The following ID4 variants were observed in gnomAD, a reference collection of about 807,000 sequenced individuals.
ID4 encodes the protein DNA-binding protein inhibitor ID-4.
A neutral mutation model predicts 8.6 loss-of-function variants in ID4; 9 were observed. The observed-to-expected ratio is 1.04, with a 90% CI of 0.63 to 1.82. The LOEUF (loss-of-function observed/expected upper bound fraction) is 1.82, where lower values mean the gene tolerates loss of function less well. Ranked by LOEUF, ID4 falls within the 40% of genes most tolerant of loss-of-function variation. ID4 has a pLI of 0.00. For synonymous variants in ID4, 180 were observed against 118.0 expected (o/e 1.53, Z -3.41); for missense variants, 270 against 235.1 (o/e 1.15, Z -0.97).
intron 2 of ID4, chr6:19,838,959 C>T (rs923097719): frequency 4.8e-5 from 19 of 394,072 alleles, no homozygotes; most frequent in Non-Finnish European, 6.5e-5. Context: ...GGAGCTGCCC[C>T]GGTGTCCTCC....
At chr6:19,838,734 C>G (rs1472013200) in intron 2 of ID4, 92 bp downstream of exon 2, 4 of 1,140,050 alleles carry the variant, frequency 3.5e-6, no homozygotes, top group South Asian at 2.8e-5. Flanking sequence ...GTTCTTTGCC[C>G]CCAGCGTTTC....
rs1297305500 is a variant in ID4 at position 19,840,738 on chromosome 6, GCT to G, written c.*1546_*1547del. 3.3e-5 allele frequency: 5 copies of G among 151,886 alleles called. No homozygotes were observed. Among genetic ancestry groups the G allele is most frequent in the Admixed American group, 2.0e-4 (3 of 15,254 alleles). The allele number at this position is 151,886 out of a possible 1,614,324, so 9.4% of individuals were successfully genotyped here. On this transcript the variant is annotated 3_prime_UTR_variant, in exon 3 of 3. Coordinates refer to ENST00000378700, the MANE Select transcript of ID4 (RefSeq NM_001546.4). Reference sequence around the variant, plus strand: ...ACCTTACTCTTATTTTTCTTTTAAGGCTCTTTTTTCTCCTTAAGGAAGGTAAT... The same window carrying G: ...ACCTTACTCTTATTTTTCTTTTAAGGCTTTTTTCTCCTTAAGGAAGGTAAT...
rs1354675523 is a variant in ID4, at chr6:19,837,682, C to G, written c.-73C>G. The G allele has an allele frequency of 2.9e-6, 3 of 1,020,324 alleles. No homozygotes were observed. The East Asian group carries it at 1.9e-4, about 64-fold the overall frequency. The allele number at this position is 1,020,324 out of a possible 1,614,324, so 63.2% of individuals were successfully genotyped here. On this transcript the variant is annotated 5_prime_UTR_variant, in exon 1 of 3. Coordinates refer to ENST00000378700, the MANE Select transcript of ID4 (RefSeq NM_001546.4). The stretch of plus-strand genomic sequence containing the variant: ...CAAAGGGAGCGGAGCCGGCCGCGGA[C>G]GGGGCCCGGAGCTTGCCTGCCTCCC...
At position 19,841,943 on chromosome 6, in the gene ID4, GAAA is replaced by G. The variant is rs909183740; in HGVS notation, c.*2753_*2755del. On this transcript the variant is annotated 3_prime_UTR_variant, in exon 3 of 3. Coordinates refer to ENST00000378700, the MANE Select transcript of ID4 (RefSeq NM_001546.4). ...TCAGACTGGTTTAAAACTCCAGAAG[GAAA>G]AAAAGTATCCCACACAGTGGATGTT... 6.6e-6 allele frequency among the ~76,000 whole-genome samples: 1 copy of G among 151,924 alleles called. No individual in the cohort carries two copies. The highest frequency in any genetic ancestry group is 1.5e-5 in the Non-Finnish European group (1 of 67,936).
chr6:19,837,395 T>G lies in ID4; in HGVS notation c.-360T>G. ...GAGAGCGTAGTGGAGGAGGCGCGGT[T>G]GTGAGTAGTACCGGGAGTGGGGTGA... On this transcript the variant is annotated 5_prime_UTR_variant, in exon 1 of 3. Coordinates refer to ENST00000378700, the MANE Select transcript of ID4 (RefSeq NM_001546.4). The G allele has an allele frequency of 6.5e-6, 1 of 153,002 alleles. No homozygotes were observed. Among genetic ancestry groups the G allele is most frequent in the Non-Finnish European group, 1.5e-5 (1 of 68,964 alleles). 9.5% of individuals were successfully genotyped at this position (153,002 alleles called of 1,614,324 possible).
At position 19,838,196 on chromosome 6, in the gene ID4, G is replaced by C; in HGVS notation, c.441+1G>C. The stretch of plus-strand genomic sequence containing the variant: ...GCTCACTGCGCTCAACACCGACCCG[G>C]TGAGAGGCCGGGCGCCGGCCGTGGG... On this transcript the variant is annotated splice_donor_variant, in intron 1 of 2. Coordinates refer to ENST00000378700, the MANE Select transcript of ID4 (RefSeq NM_001546.4). LOFTEE classifies it high-confidence loss of function. 1 of 1,371,212 alleles carries C rather than the reference G, an allele frequency of 7.3e-7. No homozygotes were observed. Among genetic ancestry groups the C allele is most frequent in the Non-Finnish European group, 9.4e-7 (1 of 1,067,242 alleles). 84.9% of individuals were successfully genotyped at this position (1,371,212 alleles called of 1,614,324 possible).
chr6:19,838,009 C>G lies in ID4; in HGVS notation c.255C>G (p.Asn85Lys), dbSNP rs1180362603. The G allele has an allele frequency of 6.2e-7, 1 of 1,604,384 alleles. No individual in the cohort carries two copies. The highest frequency in any genetic ancestry group is 8.5e-7 in the Non-Finnish European group (1 of 1,175,270). ...GGCTGGTGCCCACCATCCCGCCCAA[C>G]AAGAAAGTCAGCAAAGTGGAGATCC... ...LRRLVPTIPP[N>K]KKVSKVEILQ... Residue 85 changes from asparagine to lysine, a missense_variant, in exon 1 of 3, where the codon AAC (asparagine) becomes AAG (lysine). Asn to Lys is a moderately conservative substitution (Grantham distance 94). Coordinates refer to ENST00000378700, the MANE Select transcript of ID4 (RefSeq NM_001546.4).
At chr6:19,838,404 T>C (rs1254171309) in intron 1 of ID4, among the ~76,000 whole-genome samples, 180 bp from the exon 2 acceptor site, 2 of 152,076 alleles carry the variant, frequency 1.3e-5, no homozygotes, top group Admixed American at 1.3e-4. Context: ...AGGGCGGGAC[T>C]CGGGGCTGTG....
In ID4 at chr6:19,839,645, AGAT is replaced by A. The variant is rs1294379081; in HGVS notation, c.*454_*456del. On this transcript the variant is annotated 3_prime_UTR_variant, in exon 3 of 3. Coordinates refer to ENST00000378700, the MANE Select transcript of ID4 (RefSeq NM_001546.4). ...TTTTTTTACATCTATTGTTTAAAATAGATGATTATAACGGGGCAGAGAACTTTC... is the reference window on the plus strand; with the variant it reads ...TTTTTTTACATCTATTGTTTAAAATAGATTATAACGGGGCAGAGAACTTTC... 2 of 152,542 alleles carry A rather than the reference AGAT, an allele frequency of 1.3e-5. No individual in the cohort carries two copies. Among genetic ancestry groups the A allele is most frequent in the Non-Finnish European group, 2.9e-5 (2 of 68,042 alleles). 9.4% of individuals were successfully genotyped at this position (152,542 alleles called of 1,614,324 possible).
chr6:19,838,544 G>C (rs202194675), intron 1 of ID4, 40 bp from the exon 2 acceptor site: 1 of 1,613,770 alleles, frequency 6.2e-7, no homozygotes, highest in Non-Finnish European at 8.5e-7. Context: ...CGTTGTTTGC[G>C]CCTGCTAACC....
In ID4 at chr6:19,840,448, GAATT is replaced by G. The variant is rs1761336909; in HGVS notation, c.*1257_*1260del. ...CACTTTCTGCTTTCCTTCCTCCAAA[GAATT>G]AATAGGCAACAGTGGGAGAAAAAAA... is the stretch of plus-strand genomic sequence containing the variant. On this transcript the variant is annotated 3_prime_UTR_variant, in exon 3 of 3. Coordinates refer to ENST00000378700, the MANE Select transcript of ID4 (RefSeq NM_001546.4). The G allele has an allele frequency of 6.6e-6, 1 of 151,614 alleles. No homozygotes were observed. Among genetic ancestry groups the G allele is most frequent in the Non-Finnish European group, 1.5e-5 (1 of 67,724 alleles). 9.4% of individuals were successfully genotyped at this position (151,614 alleles called of 1,614,324 possible).
At chr6:19,838,490 G>A (rs1228027289) in intron 1 of ID4, 94 bp from the exon 2 acceptor site, 2 of 1,543,430 alleles carry the variant, frequency 1.3e-6, no homozygotes, top group Admixed American at 3.4e-5. Context: ...GGGCGTCGGC[G>A]CGCCAGCCTG....
rs1761347489 is a variant in ID4 at position 19,840,863 on chromosome 6, AAG to A, written c.*1670_*1671del. 6.6e-6 allele frequency among the ~76,000 whole-genome samples: 1 copy of A among 152,198 alleles called. No homozygotes were observed. Among genetic ancestry groups the A allele is most frequent in the Non-Finnish European group, 1.5e-5 (1 of 68,020 alleles). On this transcript the variant is annotated 3_prime_UTR_variant, in exon 3 of 3. Coordinates refer to ENST00000378700, the MANE Select transcript of ID4 (RefSeq NM_001546.4). Reference sequence around the variant, plus strand: ...AAGTTAGATGGAATTTTTAGAGTGAAAGAATTAAGTAGGATTTAATTGGGTGC... The same window carrying A: ...AAGTTAGATGGAATTTTTAGAGTGAAAATTAAGTAGGATTTAATTGGGTGC...
At chr6:19,838,772 C>T (rs1249345768) in intron 2 of ID4, 130 bp downstream of exon 2, 7 of 706,780 alleles carry the variant, frequency 9.9e-6, no homozygotes, top group Admixed American at 7.5e-5. Flanking sequence ...GGAAGTAAAT[C>T]CCCTCTCTCC....
chr6:19,838,451 G>C lies in ID4; in HGVS notation c.442-133G>C, dbSNP rs1167151084. ...CTGTCAAGTCCCGCCTGAGCCCGGA[G>C]GGGCCCCCCCGGCTACAGGCTGGGG... On this transcript the variant is annotated intron_variant, in intron 1 of 2. Transcript: ENST00000378700. 4 of 1,273,536 alleles carry C rather than the reference G, an allele frequency of 3.1e-6. No individual in the cohort carries two copies. In the African/African-American group the frequency reaches 5.9e-5, roughly 19 times the overall value. The allele number at this position is 1,273,536 out of a possible 1,614,324, so 78.9% of individuals were successfully genotyped here. A position where few individuals can be genotyped will look rare whatever the true frequency, so the allele number is the denominator to read the frequency against.
rs1345955152 is a variant in ID4, at chr6:19,837,534, C to T, written c.-221C>T. The T allele has an allele frequency of 1.9e-5, 4 of 212,714 alleles. No individual in the cohort carries two copies. The highest frequency in any genetic ancestry group is 1.2e-4 in the East Asian group (1 of 8,632). 13.2% of individuals were successfully genotyped at this position (212,714 alleles called of 1,614,324 possible). On this transcript the variant is annotated 5_prime_UTR_variant, in exon 1 of 3. Coordinates refer to ENST00000378700, the MANE Select transcript of ID4 (RefSeq NM_001546.4). Reference sequence around the variant, plus strand: ...TTCCGGTGCTTTTGCTTTTTTTTTCCTTTGGGCTCGGGCTGAGTGTCGCCC... The same window carrying T: ...TTCCGGTGCTTTTGCTTTTTTTTTCTTTTGGGCTCGGGCTGAGTGTCGCCC...
chr6:19,838,467 C>T, intron 1 of ID4, 117 bp from the exon 2 acceptor site: 1 of 1,404,252 alleles, frequency 7.1e-7, no homozygotes, highest in Non-Finnish European at 9.9e-7. Flanking sequence ...CCCCCGGCTA[C>T]AGGCTGGGGT....
chr6:19,838,523 CGT>C (rs1413097807), intron 1 of ID4, 59 bp from the exon 2 acceptor site: 8 of 1,604,682 alleles, frequency 5.0e-6, no homozygotes, highest in Non-Finnish European at 6.0e-6. Flanking sequence ...AATCCAGGAC[CGT>C]GTCGAGCGCG....
At chr6:19,838,738 G>A (rs1761288176) in intron 2 of ID4, 96 bp downstream of exon 2, 1 of 1,070,834 alleles carries the variant, frequency 9.3e-7, no homozygotes, top group Admixed American at 2.0e-5. Context: ...TTTGCCCCCA[G>A]CGTTTCTGAG....
Sources: gnomAD v4.1 joint callset for allele counts (sites outside exome capture counted in the v4.1 genomes callset) on GRCh38, gnomAD v4.1.1 for gene constraint, MANE v1.5 for transcripts, NCBI Gene and HGNC (gene_info 2026-07-23, HGNC 2026-07-21) for gene names.